Variants in ATP2B4 observed in about 807,000 individuals in gnomAD.
ATP2B4 encodes ATPase plasma membrane Ca2+ transporting 4, also known as plasma membrane calcium-transporting ATPase 4.
In ATP2B4, 39 loss-of-function variants were observed where a neutral mutation model predicts 110.3. The ratio of observed to expected loss-of-function variants is 0.35; its 90% CI spans 0.27 to 0.46. ATP2B4 has a LOEUF of 0.46. ATP2B4 is among the 20% of genes least tolerant of loss of function. ATP2B4 has a pLI of 1.00. For missense variants in ATP2B4, 1,135 were observed against 1,530.9 expected, an observed-to-expected ratio of 0.74 and a Z score of 4.32; for synonymous variants, 538 against 571.7, an observed-to-expected ratio of 0.94 and a Z score of 0.84.
chr1:203,733,445 C>T (rs767521365), intron 20 of ATP2B4: 4 of 1,515,364 alleles, frequency 2.6e-6, no homozygotes, highest in East Asian at 2.4e-5. Flanking sequence ...AAAATGACCA[C>T]AAGAGAGCAC....
chr1:203,667,960 G>A (rs975462010), intron 1 of ATP2B4, among the ~76,000 whole-genome samples: 1 of 152,198 alleles, frequency 6.6e-6, no homozygotes, highest in Admixed American at 6.5e-5. Flanking sequence ...GAGGAACTGG[G>A]GGAAAGCTTG....
intron 1 of ATP2B4, among the ~76,000 whole-genome samples, chr1:203,653,974 TATATATATA>T (rs1664075122): frequency 1.6e-5 from 2 of 123,474 alleles, no homozygotes; most frequent in East Asian, 3.2e-4. Flanking sequence ...TATATATATA[TATATATATA>T]TATTTTTTTT....
intron 1 of ATP2B4, among the ~76,000 whole-genome samples, chr1:203,638,807 A>G (rs1015427478): frequency 2.6e-5 from 4 of 152,192 alleles, no homozygotes; most frequent in African/African-American, 9.7e-5. Context: ...TGGAAGACAG[A>G]TTCTAGAAAC....
At chr1:203,643,333 A>ATGACTGGTT (rs1663688820) in intron 1 of ATP2B4, among the ~76,000 whole-genome samples, 3 of 152,136 alleles carry the variant, frequency 2.0e-5, no homozygotes, top group Non-Finnish European at 4.4e-5. Context: ...TGATGGAGGG[A>ATGACTGGTT]GTCAGACTGG....
At chr1:203,631,670 C>T (rs977137346) in intron 1 of ATP2B4, among the ~76,000 whole-genome samples, 26 of 152,132 alleles carry the variant, frequency 1.7e-4, no homozygotes, top group African/African-American at 5.8e-4. Context: ...GTATTGAGCC[C>T]GGGAAGTTAG....
intron 1 of ATP2B4, among the ~76,000 whole-genome samples, chr1:203,679,471 T>G (rs1272794088): frequency 2.0e-5 from 3 of 152,224 alleles, no homozygotes; most frequent in Admixed American, 2.0e-4. Context: ...ATCTTTTCAT[T>G]CTTTTCCACA....
At chr1:203,677,773 G>A (rs2102353683) in intron 1 of ATP2B4, among the ~76,000 whole-genome samples, 1 of 152,294 alleles carries the variant, frequency 6.6e-6, no homozygotes, top group Middle Eastern at 3.4e-3. Context: ...CCTGAAGCAG[G>A]TTTTATATTG....
intron 19 of ATP2B4, among the ~76,000 whole-genome samples, chr1:203,724,849 GT>G (rs1378767102): frequency 1.4e-5 from 2 of 144,608 alleles, no homozygotes; most frequent in Non-Finnish European, 3.0e-5. Context: ...GACTGCCTGG[GT>G]TTGAATCCAG....
chr1:203,630,160 T>A (rs919981707), intron 1 of ATP2B4, among the ~76,000 whole-genome samples: 1 of 152,100 alleles, frequency 6.6e-6, no homozygotes, highest in Admixed American at 6.5e-5. Context: ...TAAGGTGATG[T>A]GTAGGGGCTG....
rs759295015 is a variant in ATP2B4, at chr1:203,632,795, C to T, written c.-465+5576C>T. ...TTGTGTCATAAATTGGAAACTGTTTCGTTTATTGTATGATAGATGAAATGA... is the reference window on the plus strand; with the variant it reads ...TTGTGTCATAAATTGGAAACTGTTTTGTTTATTGTATGATAGATGAAATGA... On this transcript the variant is annotated intron_variant, in intron 1 of 20. Coordinates refer to ENST00000357681, the MANE Select transcript of ATP2B4 (RefSeq NM_001684.5). Among the ~76,000 whole-genome samples the T allele has an allele frequency of 6.3e-4, 95 of 150,890 alleles. 1 individual carries two copies. The highest frequency in any genetic ancestry group is 3.5e-3 in the Admixed American group (53 of 15,172).
At position 203,636,737 on chromosome 1, in the gene ATP2B4, C is replaced by T. The variant is rs535962024; in HGVS notation, c.-465+9518C>T. Among the ~76,000 whole-genome samples, 62 of 152,332 alleles carry T rather than the reference C, an allele frequency of 4.1e-4. 1 individual carries two copies. In the Middle Eastern group the frequency reaches 0.01, roughly 25 times the overall value. ...TTACATGAAACCAAGTTTGGACATA[C>T]AGACATTCCTGATTCAAGACCCTCC... On this transcript the variant is annotated intron_variant, in intron 1 of 20. Transcript: ENST00000357681.
rs531572158 is a variant in ATP2B4, at chr1:203,698,212, C to T, written c.249C>T (p.Asn83=). The change falls in exon 3 of 21, where the codon AAC becomes AAT. Residue 83 remains asparagine (N), a synonymous_variant. Transcript: ENST00000357681. ...AACGTAGGCAGGTGTTTGGACACAACGTGATCCCCCCCAAAAAGCCCAAGA... is the reference window on the plus strand; with the variant it reads ...AACGTAGGCAGGTGTTTGGACACAATGTGATCCCCCCCAAAAAGCCCAAGA... ...LEKRRQVFGH[N]VIPPKKPKTF... 3.3e-5 allele frequency: 53 copies of T among 1,614,188 alleles called. 1 individual carries two copies. In the South Asian group the frequency reaches 3.6e-4, roughly 11 times the overall value.
chr1:203,725,947 C>T (rs1430504348), intron 19 of ATP2B4, among the ~76,000 whole-genome samples: 2 of 129,478 alleles, frequency 1.5e-5, no homozygotes, highest in Non-Finnish European at 3.1e-5. Flanking sequence ...GGTCTCAGGC[C>T]AGGCGCAGTG....
chr1:203,704,467 C>CTTTTTTTTTTTTT (rs35019828), intron 8 of ATP2B4, among the ~76,000 whole-genome samples: 4 of 68,794 alleles, frequency 5.8e-5, no homozygotes, highest in South Asian at 5.7e-4. Flanking sequence ...AAGGAACAGT[C>CTTTTTTTTTTTTT]TTTTTTTTTT....
At chr1:203,639,129 G>A (rs1391009391) in intron 1 of ATP2B4, among the ~76,000 whole-genome samples, 1 of 152,162 alleles carries the variant, frequency 6.6e-6, no homozygotes, top group Non-Finnish European at 1.5e-5. Context: ...GGAAGGAGGG[G>A]AAGCACTATT....
intron 20 of ATP2B4, among the ~76,000 whole-genome samples, chr1:203,731,425 G>A (rs760911728): frequency 6.6e-6 from 1 of 152,166 alleles, no homozygotes; most frequent in East Asian, 1.9e-4. Flanking sequence ...TAAGCAGATA[G>A]ATATTTCTAA....
At chr1:203,664,977 G>T (rs1225013627) in intron 1 of ATP2B4, among the ~76,000 whole-genome samples, 23 of 152,194 alleles carry the variant, frequency 1.5e-4, no homozygotes, top group Non-Finnish European at 1.9e-4. Context: ...GACTACAGGC[G>T]CCTGCCACCG....
Position 203,709,506 on chromosome 1 carries a change from T to C in ATP2B4, c.1763T>C (p.Met588Thr), listed in dbSNP as rs758695583. 10 of 1,614,050 alleles carry C rather than the reference T, an allele frequency of 6.2e-6. No homozygotes were observed. The South Asian group carries it at 8.8e-5, about 14-fold the overall frequency. ...VIRNPNGGFRMYSKGASEIIL... is the reference protein window; with the variant it reads ...VIRNPNGGFRTYSKGASEIIL... ...AGGAATCCCAACGGTGGCTTCCGTA[T>C]GTACAGCAAGGGCGCCTCTGAGATC... The change falls in exon 11 of 21, where the codon ATG becomes ACG. Residue 588 changes from methionine (M) to threonine (T), a missense_variant. Met to Thr is a moderately conservative substitution (Grantham distance 81). Coordinates refer to ENST00000357681, the MANE Select transcript of ATP2B4 (RefSeq NM_001684.5).
chr1:203,721,952 C>T (rs9787175), intron 17 of ATP2B4, among the ~76,000 whole-genome samples: 36,486 of 151,922 alleles, frequency 0.24, 4,731 homozygotes, highest in Admixed American at 0.38. Flanking sequence ...TGAGCCACCA[C>T]GCCTGGCTTA....
Sources: gnomAD v4.1 joint callset for allele counts (sites outside exome capture counted in the v4.1 genomes callset) on GRCh38, gnomAD v4.1.1 for gene constraint, MANE v1.5 for transcripts, NCBI Gene and HGNC (gene_info 2026-07-23, HGNC 2026-07-21) for gene names.